The following UTRN variants were observed in gnomAD, a reference collection of about 807,000 sequenced individuals.
UTRN encodes utrophin.
A neutral mutation model predicts 463.9 loss-of-function variants in UTRN; 283 were observed. The ratio of observed to expected loss-of-function variants is 0.61; its 90% CI spans 0.55 to 0.67. UTRN has a LOEUF of 0.67. Among genes scored for constraint, UTRN ranks in the 30% least tolerant of loss-of-function variants. UTRN has a pLI of 0.00. For missense variants in UTRN, 3,922 were observed against 4,084.3 expected (o/e 0.96, Z 1.08); for synonymous variants, 1,442 against 1,431.5 (o/e 1.01, Z -0.17).
intron 2 of UTRN, among the ~76,000 whole-genome samples, chr6:144,315,739 G>C (rs1196209565): frequency 6.6e-6 from 1 of 152,134 alleles, no homozygotes; most frequent in Non-Finnish European, 1.5e-5. Context: ...TTTTCACCTT[G>C]GCCTCGTGCC....
chr6:144,635,514 CTTTTTTTTTT>C (rs1402815648), intron 51 of UTRN, among the ~76,000 whole-genome samples: 1,843 of 80,066 alleles, frequency 0.023, 62 homozygotes, highest in African/African-American at 0.086. Flanking sequence ...CTTTTTTTTT[CTTTTTTTTTT>C]TTTTTCTTTT....
intron 50 of UTRN, among the ~76,000 whole-genome samples, chr6:144,558,619 C>T (rs1325703388): frequency 6.6e-6 from 1 of 151,838 alleles, no homozygotes; most frequent in Non-Finnish European, 1.5e-5. Flanking sequence ...TACCCTAAAA[C>T]TTAAAGTATA....
chr6:144,407,781 G>T (rs2114809062), intron 3 of UTRN, among the ~76,000 whole-genome samples: 1 of 152,260 alleles, frequency 6.6e-6, no homozygotes, highest in African/African-American at 2.4e-5. Context: ...TCTTTTTGCT[G>T]CAAATCCTTG....
intron 65 of UTRN, among the ~76,000 whole-genome samples, chr6:144,819,911 C>CGTCCTCCTGTCT (rs1554406066): frequency 8.4e-6 from 1 of 118,612 alleles, no homozygotes; most frequent in Admixed American, 9.2e-5. Flanking sequence ...TCCTCCTCCT[C>CGTCCTCCTGTCT]CTCTCTCTCT....
At position 144,429,644 on chromosome 6, in the gene UTRN, T is replaced by C. The variant is rs762808290; in HGVS notation, c.758T>C (p.Val253Ala). The C allele has an allele frequency of 1.9e-6, 3 of 1,612,778 alleles. No homozygotes were observed. Among genetic ancestry groups the C allele is most frequent in the Non-Finnish European group, 2.5e-6 (3 of 1,179,376 alleles). Residue 253 changes from valine (V) to alanine (A), a missense_variant, in exon 9 of 75, where the codon GTG becomes GCG. This residue lies in a region of UTRN where 264 missense variants were observed against 327.9 expected (regional missense o/e 0.81). Transcript: ENST00000367545. ...IIMYLTSLFE[V>A]LPQQVTIDAI... ...ATGTATTTAACATCTTTGTTTGAGGTGCTACCTCAGCAAGTCACCATAGAC... is the reference window on the plus strand; with the variant it reads ...ATGTATTTAACATCTTTGTTTGAGGCGCTACCTCAGCAAGTCACCATAGAC...
intron 16 of UTRN, 138 bp downstream of exon 16, chr6:144,447,919 C>T (rs1485636876): frequency 2.7e-6 from 2 of 738,652 alleles, no homozygotes; most frequent in East Asian, 6.1e-5. Flanking sequence ...ATGTGAAAAT[C>T]ACCTTCAGTT....
chr6:144,744,562 A>G (rs1008485398), intron 54 of UTRN, among the ~76,000 whole-genome samples: 6 of 149,332 alleles, frequency 4.0e-5, no homozygotes, highest in African/African-American at 7.4e-5. Context: ...GGCCAGTTCA[A>G]TGGGAAGACC....
At chr6:144,376,770 T>C (rs558969498) in intron 2 of UTRN, among the ~76,000 whole-genome samples, 1 of 152,346 alleles carries the variant, frequency 6.6e-6, no homozygotes, top group African/African-American at 2.4e-5. Context: ...ATAAAATTGC[T>C]ATAGGTGCCT....
At chr6:144,692,668 A>G (rs1447115929) in intron 52 of UTRN, among the ~76,000 whole-genome samples, 2 of 152,000 alleles carry the variant, frequency 1.3e-5, no homozygotes, top group Admixed American at 6.6e-5. Context: ...TTTTTTTAAT[A>G]TGCTTGTCAG....
intron 51 of UTRN, among the ~76,000 whole-genome samples, chr6:144,668,199 A>C (rs1423321316): frequency 1.3e-5 from 2 of 152,148 alleles, no homozygotes; most frequent in African/African-American, 2.4e-5. Flanking sequence ...AATTCACCTC[A>C]TGTAACTGAC....
rs746047554 is a variant in UTRN, at chr6:144,473,812, G to C, written c.3159G>C (p.Gln1053His). The C allele has an allele frequency of 1.2e-6, 2 of 1,613,798 alleles. No homozygotes were observed. The highest frequency in any genetic ancestry group is 3.3e-5 in the Admixed American group (2 of 60,002). The change falls in exon 24 of 75, where the codon CAG (glutamine) becomes CAC (histidine). Residue 1053 changes from glutamine (Q) to histidine (H), a missense_variant. Gln to His is a conservative substitution (Grantham distance 24). Coordinates refer to ENST00000367545, the MANE Select transcript of UTRN (RefSeq NM_007124.3). Reference protein sequence around the residue: ...QAAQGDDAGLQRQLDQCSAFV... With the variant: ...QAAQGDDAGLHRQLDQCSAFV... ...CCCAAGGAGACGACGCAGGTCTACAGAGGCAGTTAGACCAGTGCTCTGTGA... is the reference window on the plus strand; with the variant it reads ...CCCAAGGAGACGACGCAGGTCTACACAGGCAGTTAGACCAGTGCTCTGTGA...
intron 72 of UTRN, 119 bp from the exon 73 acceptor site, chr6:144,840,621 A>G (rs909603362): frequency 2.6e-6 from 3 of 1,138,178 alleles, no homozygotes; most frequent in African/African-American, 3.1e-5. Flanking sequence ...TGCAATGGGA[A>G]ATCTTTTCAC....
rs990271208 is a variant in UTRN at position 144,341,258 on chromosome 6, C to T, written c.79+49351C>T. ...TGTTGCAAGGCCCAAGGCCTTACAT[C>T]AAAAAATAAGGAAAAAAGTTTTTAT... On this transcript the variant is annotated intron_variant, in intron 2 of 74. Transcript: ENST00000367545. 2.6e-5 allele frequency among the ~76,000 whole-genome samples: 4 copies of T among 152,026 alleles called. No individual in the cohort carries two copies. The East Asian group carries it at 7.7e-4, about 29-fold the overall frequency.
chr6:144,462,051 C>T (rs1355541505), intron 22 of UTRN, among the ~76,000 whole-genome samples: 2 of 152,074 alleles, frequency 1.3e-5, no homozygotes, highest in African/African-American at 4.8e-5. Context: ...CTGATGCTTT[C>T]CCTCCCACCA....
chr6:144,847,164 T>TA (rs57490995), intron 74 of UTRN, among the ~76,000 whole-genome samples: 25,369 of 149,894 alleles, frequency 0.17, 2,680 homozygotes, highest in Admixed American at 0.36. Flanking sequence ...AACATTGACC[T>TA]AAAAAAAAAA....
At chr6:144,563,072 T>C (rs1425450962) in intron 50 of UTRN, among the ~76,000 whole-genome samples, 2 of 152,224 alleles carry the variant, frequency 1.3e-5, no homozygotes, top group African/African-American at 4.8e-5. Context: ...TTCAGTAAGA[T>C]AACTTTATTT....
intron 65 of UTRN, among the ~76,000 whole-genome samples, chr6:144,808,151 G>A (rs895123147): frequency 2.6e-5 from 4 of 152,038 alleles, no homozygotes; most frequent in African/African-American, 4.8e-5. Context: ...TACATACCAG[G>A]CATTTTGCTA....
rs769009338 is a variant in UTRN at position 144,491,009 on chromosome 6, G to A, written c.4344G>A (p.Lys1448=). The change falls in exon 32 of 75, where the codon AAG becomes AAA. Residue 1448 remains lysine (K), a synonymous_variant. Transcript: ENST00000367545. ...TCGAGCAGCGCATGCTGGACTGCAA[G>A]CGTGTGCTGGATGGCGTGAAAGCAG... is the stretch of plus-strand genomic sequence containing the variant. The part of the protein sequence containing the change: ...ANFEQRMLDC[K]RVLDGVKAEL... 6.2e-7 allele frequency: 1 copy of A among 1,614,166 alleles called. No individual in the cohort carries two copies. Among genetic ancestry groups the A allele is most frequent in the Non-Finnish European group, 8.5e-7 (1 of 1,180,014 alleles).
intron 41 of UTRN, among the ~76,000 whole-genome samples, chr6:144,527,346 G>A (rs1796657359): frequency 6.6e-6 from 1 of 152,172 alleles, no homozygotes; most frequent in African/African-American, 2.4e-5. Context: ...AGCTTATAAG[G>A]TTTCTGCTGA....
Sources: allele counts gnomAD v4.1 joint callset (sites outside exome capture counted in the v4.1 genomes callset), GRCh38; gene constraint gnomAD v4.1.1; regional missense constraint gnomAD v4.1.1; transcripts MANE v1.5; gene names NCBI Gene and HGNC (gene_info 2026-07-23, HGNC 2026-07-21).